The following SELENOF variants were observed in gnomAD, a reference collection of about 807,000 sequenced individuals.
The protein encoded by SELENOF is selenoprotein F.
A neutral mutation model predicts 20.5 loss-of-function variants in SELENOF; 16 were observed. The ratio of observed to expected loss-of-function variants is 0.78; its 90% CI spans 0.53 to 1.19. The LOEUF (loss-of-function observed/expected upper bound fraction) is 1.19, where lower values mean the gene tolerates loss of function less well. Among genes scored for constraint, SELENOF ranks in the 50% most tolerant of loss-of-function variants. SELENOF has a pLI of 0.00. For synonymous variants in SELENOF, 78 were observed against 74.5 expected (o/e 1.05, Z -0.24); for missense variants, 215 against 194.2 (o/e 1.11, Z -0.64).
At chr1:86,883,147 G>A (rs538847082) in intron 2 of SELENOF, among the ~76,000 whole-genome samples, 7 of 151,482 alleles carry the variant, frequency 4.6e-5, no homozygotes, top group South Asian at 2.1e-4. Context: ...AAAAAAATTC[G>A]GACACATATT....
chr1:86,914,279 A>G, upstream of SELENOF: 1 of 630,940 alleles, frequency 1.6e-6, no homozygotes, highest in Non-Finnish European at 2.8e-6. Flanking sequence ...AAATACAATC[A>G]CTGGGTGCTT....
At chr1:86,882,247 C>CAAAAAAAAA (rs61037512) in intron 2 of SELENOF, among the ~76,000 whole-genome samples, 43 of 61,814 alleles carry the variant, frequency 7.0e-4, no homozygotes, top group Non-Finnish European at 8.9e-4. Flanking sequence ...GACTCTGTCT[C>CAAAAAAAAA]AAAAAAAAAA....
upstream of SELENOF, chr1:86,914,520 C>T (rs1489444130): frequency 1.3e-5 from 3 of 224,838 alleles, no homozygotes; most frequent in Non-Finnish European, 1.8e-5. Context: ...GCTCTTCCGT[C>T]CAATAAGCGG....
chr1:86,914,401 A>G (rs896392826), upstream of SELENOF: 6 of 476,022 alleles, frequency 1.3e-5, no homozygotes, highest in African/African-American at 9.7e-5. Context: ...CGCCTTCGCC[A>G]GTTTTAGCCC....
At chr1:86,906,990 T>G (rs1485965583) in intron 1 of SELENOF, among the ~76,000 whole-genome samples, 3 of 152,194 alleles carry the variant, frequency 2.0e-5, no homozygotes, top group Non-Finnish European at 4.4e-5. Flanking sequence ...AATAAGAACC[T>G]CAAATGAATA....
intron 2 of SELENOF, among the ~76,000 whole-genome samples, chr1:86,901,918 G>A (rs1659713925): frequency 1.3e-5 from 2 of 152,082 alleles, no homozygotes; most frequent in South Asian, 4.1e-4. Context: ...GGTAAACACT[G>A]TTTATTATAA....
intron 4 of SELENOF, among the ~76,000 whole-genome samples, chr1:86,865,233 CAAACAAAA>C (rs1658562857): frequency 6.7e-6 from 1 of 148,752 alleles, no homozygotes; most frequent in Admixed American, 6.6e-5. Flanking sequence ...AACAAACAAA[CAAACAAAA>C]AACCTCAATT....
At position 86,903,301 on chromosome 1, in the gene SELENOF, C is replaced by G. The variant is rs1324944565; in HGVS notation, c.232G>C (p.Ala78Pro). 1.9e-6 allele frequency: 3 copies of G among 1,611,098 alleles called. No individual in the cohort carries two copies. Among genetic ancestry groups the G allele is most frequent in the Non-Finnish European group, 2.5e-6 (3 of 1,178,764 alleles). Residue 78 changes from alanine to proline, a missense_variant, in exon 2 of 5, where the codon GCA becomes CCA. Coordinates refer to ENST00000331835, the MANE Select transcript of SELENOF (RefSeq NM_004261.5). ...AGTACCTTTTTGGTTTCAAATTGTG[C>G]TTCCTCCTGACAGCATCCTCTGCAA... ...PDCRGCCQEE[A>P]QFETKKLYAG...
chr1:86,869,216 G>T (rs1257667978), intron 3 of SELENOF, among the ~76,000 whole-genome samples: 1 of 152,156 alleles, frequency 6.6e-6, no homozygotes, highest in East Asian at 1.9e-4. Flanking sequence ...TACGTACTTT[G>T]TAAACCTGCA....
At chr1:86,904,857 G>T (rs1165651654) in intron 1 of SELENOF, among the ~76,000 whole-genome samples, 3 of 152,096 alleles carry the variant, frequency 2.0e-5, no homozygotes, top group African/African-American at 7.2e-5. Flanking sequence ...GTTTCCCACA[G>T]TTCTGTTTTT....
chr1:86,899,526 G>A (rs1659620652), intron 2 of SELENOF, among the ~76,000 whole-genome samples: 1 of 146,766 alleles, frequency 6.8e-6, no homozygotes, highest in Non-Finnish European at 1.5e-5. Context: ...GGACGGGGCG[G>A]CTGGCCGGGC....
intron 1 of SELENOF, among the ~76,000 whole-genome samples, chr1:86,905,755 T>C (rs1659812371): frequency 6.6e-6 from 1 of 152,210 alleles, no homozygotes; most frequent in South Asian, 2.1e-4. Flanking sequence ...ACTAAGGGTA[T>C]GCAAACTTTA....
intron 3 of SELENOF, among the ~76,000 whole-genome samples, chr1:86,873,273 A>C (rs758424413): frequency 6.6e-6 from 1 of 152,064 alleles, no homozygotes; most frequent in Non-Finnish European, 1.5e-5. Flanking sequence ...ACAAAACAAA[A>C]CAAACAATAC....
At chr1:86,886,709 T>C (rs914850819) in intron 2 of SELENOF, among the ~76,000 whole-genome samples, 3 of 152,098 alleles carry the variant, frequency 2.0e-5, no homozygotes, top group African/African-American at 7.2e-5. Flanking sequence ...GAAAATGCTG[T>C]TAGGTGAACA....
At chr1:86,902,035 G>A (rs1490565918) in intron 2 of SELENOF, among the ~76,000 whole-genome samples, 2 of 152,216 alleles carry the variant, frequency 1.3e-5, no homozygotes, top group South Asian at 2.1e-4. Context: ...AGGAGAGGAT[G>A]GCTCATACAG....
chr1:86,864,030 T>C (rs1658532031), intron 4 of SELENOF, among the ~76,000 whole-genome samples: 2 of 152,196 alleles, frequency 1.3e-5, no homozygotes, highest in East Asian at 1.9e-4. Flanking sequence ...GAGCTTATTA[T>C]TGAAATTAAC....
intron 2 of SELENOF, chr1:86,887,029 G>T: frequency 3.0e-6 from 3 of 1,013,432 alleles, no homozygotes; most frequent in Non-Finnish European, 1.3e-6. Context: ...AGCAAAATTT[G>T]GTCAGCGAAT....
rs1199109533 is a variant in SELENOF, at chr1:86,879,626, A to G, written c.316+1036T>C. Among the ~76,000 whole-genome samples, 7 of 152,216 alleles carry G rather than the reference A, an allele frequency of 4.6e-5. No individual in the cohort carries two copies. The East Asian group carries it at 1.3e-3, about 29-fold the overall frequency. On this transcript the variant is annotated intron_variant, in intron 3 of 4. Transcript: ENST00000331835. Reference sequence around the variant, plus strand: ...ATCACGGGAATGTCAGCAAAAATCGAGGTAGAATGAGGTATGTAAATTGAA... The same window carrying G: ...ATCACGGGAATGTCAGCAAAAATCGGGGTAGAATGAGGTATGTAAATTGAA...
In SELENOF at chr1:86,870,861, T is replaced by C. The variant is rs58732175; in HGVS notation, c.317-2759A>G. On this transcript the variant is annotated intron_variant, in intron 3 of 4. Coordinates refer to ENST00000331835, the MANE Select transcript of SELENOF (RefSeq NM_004261.5). ...GTCTCAATCTCCTGACCTCGTGATC[T>C]GCCCACCTCGGCCTCCCAAAGTGCT... 3.5e-3 allele frequency among the ~76,000 whole-genome samples: 535 copies of C among 152,190 alleles called. 2 individuals carry two copies. The highest frequency in any genetic ancestry group is 0.012 in the African/African-American group (517 of 41,542).
Sources: gnomAD v4.1 joint callset for allele counts (sites outside exome capture counted in the v4.1 genomes callset) on GRCh38, gnomAD v4.1.1 for gene constraint, MANE v1.5 for transcripts, NCBI Gene and HGNC (gene_info 2026-07-23, HGNC 2026-07-21) for gene names.